DLGAP2: variants seen among roughly 807,000 people sequenced by gnomAD.
DLGAP2 encodes disks large-associated protein 2.
Under a neutral mutation model 100.3 loss-of-function variants are expected in DLGAP2, and 26 were observed. The observed-to-expected ratio is 0.26, with a 90% CI of 0.19 to 0.36. The LOEUF (loss-of-function observed/expected upper bound fraction) is 0.36. Among genes scored for constraint, DLGAP2 ranks in the 10% least tolerant of loss-of-function variants. The pLI is 1.00. For synonymous variants in DLGAP2, 886 were observed against 630.1 expected, an observed-to-expected ratio of 1.41 and a Z score of -6.08; for missense variants, 1,858 against 1,453.2, an observed-to-expected ratio of 1.28 and a Z score of -4.53.
At chr8:1,450,821 A>G (rs1798139363) in intron 3 of DLGAP2, among the ~76,000 whole-genome samples, 1 of 152,178 alleles carries the variant, frequency 6.6e-6, no homozygotes, top group African/African-American at 2.4e-5. Context: ...GCAAATATTT[A>G]GAAGGTATTT....
intron 4 of DLGAP2, among the ~76,000 whole-genome samples, chr8:1,502,642 G>GT (rs1266999170): frequency 7.2e-5 from 11 of 152,156 alleles, no homozygotes; most frequent in Non-Finnish European, 1.5e-4. Context: ...TTATGCATCT[G>GT]TTTTTTTAAA....
chr8:1,632,688 A>G (rs935299984), intron 7 of DLGAP2, 139 bp from the exon 8 acceptor site: 2 of 774,182 alleles, frequency 2.6e-6, no homozygotes, highest in Non-Finnish European at 4.1e-6. Context: ...GCCGATGCCC[A>G]TGCTGACTTC....
At position 1,703,159 on chromosome 8, in the gene DLGAP2, T is replaced by G. The variant is rs539040602; in HGVS notation, c.*1753T>G. 9.2e-5 allele frequency: 14 copies of G among 152,768 alleles called. No individual in the cohort carries two copies. The highest frequency in any genetic ancestry group is 3.4e-4 in the African/African-American group (14 of 41,566). 9.5% of individuals were successfully genotyped at this position (152,768 alleles called of 1,614,324 possible). On this transcript the variant is annotated 3_prime_UTR_variant, in exon 15 of 15. Transcript: ENST00000637795. ...ATGTTTAGCTTCGAAGTTTTACTTT[T>G]TTAAAGCTGAGTAGTTAAGAATTCC...
At chr8:942,813 G>A (rs1419848851) in intron 2 of DLGAP2, among the ~76,000 whole-genome samples, 1 of 152,204 alleles carries the variant, frequency 6.6e-6, no homozygotes, top group Non-Finnish European at 1.5e-5. Context: ...TCATTACAGT[G>A]AAAAGACATA....
chr8:1,217,851 G>A (rs1321818636), intron 2 of DLGAP2, among the ~76,000 whole-genome samples: 1 of 152,130 alleles, frequency 6.6e-6, no homozygotes, highest in Non-Finnish European at 1.5e-5. Context: ...TTTCTATAAT[G>A]AGTAGTGATG....
intron 2 of DLGAP2, among the ~76,000 whole-genome samples, chr8:1,241,614 A>G (rs559633073): frequency 1.3e-5 from 2 of 152,304 alleles, no homozygotes; most frequent in East Asian, 1.9e-4. Context: ...TTTTCACTCC[A>G]CACTGGTCTT....
At chr8:1,645,975 G>C (rs969143575) in intron 8 of DLGAP2, among the ~76,000 whole-genome samples, 2 of 152,188 alleles carry the variant, frequency 1.3e-5, no homozygotes, top group African/African-American at 4.8e-5. Flanking sequence ...GCCATTGGTG[G>C]TGGAGGCCGA....
intron 2 of DLGAP2, among the ~76,000 whole-genome samples, chr8:1,256,319 ATCCTGTCTGGGTGCCATGTGTGTGTCCTC>A (rs1799214889): frequency 1.6e-5 from 1 of 62,926 alleles, no homozygotes; most frequent in Admixed American, 2.2e-4. Context: ...GTGTCCTCTC[ATCCTGTCTGGGTGCCATGTGTGTGTCCTC>A]TCCTGCCCGG....
chr8:1,169,234 G>T (rs1797078161), intron 2 of DLGAP2, among the ~76,000 whole-genome samples: 1 of 152,136 alleles, frequency 6.6e-6, no homozygotes, highest in African/African-American at 2.4e-5. Context: ...CTGTACTATT[G>T]ATCTATATCT....
At chr8:1,173,726 C>T (rs950645527) in intron 2 of DLGAP2, among the ~76,000 whole-genome samples, 1 of 152,162 alleles carries the variant, frequency 6.6e-6, no homozygotes, top group African/African-American at 2.4e-5. Context: ...TTTTTAAGCC[C>T]ATCGGAAAAA....
chr8:1,178,645 G>C lies in DLGAP2; in HGVS notation c.74-80206G>C, dbSNP rs75133087. Among the ~76,000 whole-genome samples, 158 of 152,194 alleles carry C rather than the reference G, an allele frequency of 1.0e-3. 4 individuals carry two copies. The East Asian group carries it at 0.029, about 28-fold the overall frequency. ...GCCCAGATTCTGAAGTATAAATGCA[G>C]CTCAGCTCTCAAACCCACCTTGAAT... On this transcript the variant is annotated intron_variant, in intron 2 of 14. Coordinates refer to ENST00000637795, the MANE Select transcript of DLGAP2 (RefSeq NM_001346810.2).
chr8:837,308 G>C (rs1390960947), intron 1 of DLGAP2, among the ~76,000 whole-genome samples: 1 of 152,224 alleles, frequency 6.6e-6, no homozygotes, highest in Non-Finnish European at 1.5e-5. Context: ...CGCACCTTGT[G>C]GATAAGGAGT....
At chr8:830,116 C>T (rs1352423070) in intron 1 of DLGAP2, among the ~76,000 whole-genome samples, 1 of 152,132 alleles carries the variant, frequency 6.6e-6, no homozygotes, top group Non-Finnish European at 1.5e-5. Context: ...TGCCCTCTCA[C>T]CAATATTATA....
At chr8:1,506,412 A>C (rs1378135509) in intron 4 of DLGAP2, among the ~76,000 whole-genome samples, 1 of 152,072 alleles carries the variant, frequency 6.6e-6, no homozygotes, top group African/African-American at 2.4e-5. Context: ...TGTTCCTTTT[A>C]ATGTTCAGAC....
intron 1 of DLGAP2, among the ~76,000 whole-genome samples, chr8:863,284 G>T (rs1052473571): frequency 6.6e-6 from 1 of 152,206 alleles, no homozygotes. Flanking sequence ...TGATACCAAT[G>T]ACATGGATTT....
At chr8:1,010,802 C>G (rs1037817726) in intron 2 of DLGAP2, among the ~76,000 whole-genome samples, 11 of 152,206 alleles carry the variant, frequency 7.2e-5, no homozygotes, top group South Asian at 2.1e-4. Context: ...TTTAAAAACA[C>G]CTCAGAGATC....
intron 2 of DLGAP2, among the ~76,000 whole-genome samples, chr8:1,200,665 C>T (rs1311877703): frequency 2.0e-5 from 3 of 152,184 alleles, no homozygotes; most frequent in Non-Finnish European, 4.4e-5. Flanking sequence ...GACAAAGCCT[C>T]AGGGGAGCGC....
At chr8:1,432,753 T>G (rs1797488800) in intron 3 of DLGAP2, among the ~76,000 whole-genome samples, 1 of 152,204 alleles carries the variant, frequency 6.6e-6, no homozygotes, top group Non-Finnish European at 1.5e-5. Context: ...CTCCATGACC[T>G]GCCAGCATGC....
At chr8:1,451,102 G>A (rs1475312274) in intron 3 of DLGAP2, among the ~76,000 whole-genome samples, 1 of 152,088 alleles carries the variant, frequency 6.6e-6, no homozygotes, top group Non-Finnish European at 1.5e-5. Context: ...CTACTTAGTG[G>A]ATTCCCGTTC....
Sources: gnomAD v4.1 joint callset for allele counts (sites outside exome capture counted in the v4.1 genomes callset) on GRCh38, gnomAD v4.1.1 for gene constraint, MANE v1.5 for transcripts, NCBI Gene and HGNC (gene_info 2026-07-23, HGNC 2026-07-21) for gene names.